The following PRLR variants were observed in gnomAD, a reference collection of about 807,000 sequenced individuals.
PRLR encodes prolactin receptor.
A neutral mutation model predicts 40.2 loss-of-function variants in PRLR; 13 were observed. The ratio of observed to expected loss-of-function variants is 0.32; its 90% CI spans 0.21 to 0.51. The LOEUF (loss-of-function observed/expected upper bound fraction) is 0.51. Ranked by LOEUF, PRLR falls within the 20% of genes least tolerant of loss-of-function variation. The probability of loss-of-function intolerance (pLI) is 0.97; values close to 1 mark genes in which losing one functional copy is unlikely to be tolerated. For missense variants in PRLR, 656 were observed against 747.3 expected (o/e 0.88, Z 1.42); for synonymous variants, 269 against 278.7 (o/e 0.97, Z 0.35).
intron 1 of PRLR, among the ~76,000 whole-genome samples, chr5:35,222,089 G>T (rs1402352087): frequency 6.6e-6 from 1 of 152,202 alleles, no homozygotes; most frequent in Non-Finnish European, 1.5e-5. Flanking sequence ...CAGATCAGGA[G>T]GTCAAGAGAT....
chr5:35,224,741 G>A (rs1042911669), intron 1 of PRLR, among the ~76,000 whole-genome samples: 1 of 152,138 alleles, frequency 6.6e-6, no homozygotes, highest in Non-Finnish European at 1.5e-5. Flanking sequence ...AAAAGGGAGA[G>A]AGAGGGTAAC....
rs76906070 is a variant in PRLR, at chr5:35,203,385, G to C, written c.-106+26883C>G. Among the ~76,000 whole-genome samples, 1,246 of 152,266 alleles carry C rather than the reference G, an allele frequency of 8.2e-3. 17 individuals are homozygous for C. The highest frequency in any genetic ancestry group is 0.029 in the African/African-American group (1,206 of 41,540). ...TGCTCAGCAGAACATTGTGTTGAGT[G>C]TGTAATTAGAAAGACCAACTGGATG... On this transcript the variant is annotated intron_variant, in intron 1 of 9. Coordinates refer to ENST00000618457, the MANE Select transcript of PRLR (RefSeq NM_000949.7).
intron 5 of PRLR, among the ~76,000 whole-genome samples, chr5:35,079,513 C>G (rs911198185): frequency 6.6e-6 from 1 of 152,034 alleles, no homozygotes. Flanking sequence ...ATGTGAAGGA[C>G]CTCTTCAAGG....
At chr5:35,171,605 C>T (rs1774998790) in intron 1 of PRLR, among the ~76,000 whole-genome samples, 1 of 152,012 alleles carries the variant, frequency 6.6e-6, no homozygotes, top group Non-Finnish European at 1.5e-5. Flanking sequence ...GTCCAGGACA[C>T]TATGGGGAGG....
chr5:35,189,917 G>A (rs749527037), intron 1 of PRLR, among the ~76,000 whole-genome samples: 5 of 152,170 alleles, frequency 3.3e-5, no homozygotes, highest in African/African-American at 4.8e-5. Flanking sequence ...CAGCTTTGGG[G>A]CAGCAGGATC....
chr5:35,131,222 G>T (rs150776243), intron 1 of PRLR, among the ~76,000 whole-genome samples: 19 of 152,284 alleles, frequency 1.2e-4, no homozygotes, highest in East Asian at 1.2e-3. Flanking sequence ...AGTGAAAAAA[G>T]TTGGATGGTA....
intron 7 of PRLR, among the ~76,000 whole-genome samples, chr5:35,069,920 T>C (rs1023962623): frequency 6.6e-6 from 1 of 152,244 alleles, no homozygotes; most frequent in Non-Finnish European, 1.5e-5. Context: ...TGTAGCCTTA[T>C]CCTAAAATTG....
At chr5:35,156,355 C>A (rs936944032) in intron 1 of PRLR, among the ~76,000 whole-genome samples, 1 of 152,096 alleles carries the variant, frequency 6.6e-6, no homozygotes, top group Non-Finnish European at 1.5e-5. Context: ...GGTCTCTCCA[C>A]CTCTCTCCTT....
chr5:35,179,453 C>T (rs908890195), intron 1 of PRLR, among the ~76,000 whole-genome samples: 9 of 152,242 alleles, frequency 5.9e-5, no homozygotes, highest in South Asian at 2.1e-4. Flanking sequence ...GTAATAGATG[C>T]GACATGGGCC....
In PRLR at chr5:35,089,611, T is replaced by G; in HGVS notation, c.10A>C (p.Asn4His). The G allele has an allele frequency of 6.2e-7, 1 of 1,614,070 alleles. No individual in the cohort carries two copies. The highest frequency in any genetic ancestry group is 1.3e-5 in the African/African-American group (1 of 75,050). ...GTGAAAACGGTTGCAGATGCCACATTTTCCTTCATGTTGGCTGCCTTCTCT... is the reference window on the plus strand; with the variant it reads ...GTGAAAACGGTTGCAGATGCCACATGTTCCTTCATGTTGGCTGCCTTCTCT... MKE[N>H]VASATVFTLL... The change falls in exon 3 of 10, where the codon AAT (asparagine) becomes CAT (histidine). Residue 4 changes from asparagine (N) to histidine (H), a missense_variant. Asn to His is a moderately conservative substitution (Grantham distance 68). Around this residue, in one of 3 missense-constraint regions of PRLR, gnomAD observed 180 missense variants for 236.8 expected, o/e 0.76. Transcript: ENST00000618457.
At chr5:35,204,140 T>A (rs10447129) in intron 1 of PRLR, among the ~76,000 whole-genome samples, 14,527 of 151,748 alleles carry the variant, frequency 0.096, 908 homozygotes, top group Non-Finnish European at 0.13. Flanking sequence ...TGTGTGAAAC[T>A]TTTCTCTCAA....
chr5:35,145,516 A>T (rs1411531918), intron 1 of PRLR, among the ~76,000 whole-genome samples: 1 of 152,186 alleles, frequency 6.6e-6, no homozygotes, highest in Admixed American at 6.5e-5. Context: ...TTGTTGTGGT[A>T]TGCCATACAT....
intron 1 of PRLR, among the ~76,000 whole-genome samples, chr5:35,147,249 T>C (rs1774207750): frequency 6.6e-6 from 1 of 152,216 alleles, no homozygotes. Context: ...GAAATCTCCC[T>C]GAGATTTGCT....
chr5:35,206,776 T>A (rs1189371009), intron 1 of PRLR, among the ~76,000 whole-genome samples: 1 of 151,830 alleles, frequency 6.6e-6, no homozygotes, highest in Non-Finnish European at 1.5e-5. Context: ...CAAATCATAG[T>A]CCATATGGCA....
chr5:35,086,555 TTGC>T (rs1178612847), intron 3 of PRLR, among the ~76,000 whole-genome samples: 3 of 148,164 alleles, frequency 2.0e-5, no homozygotes, highest in African/African-American at 7.9e-5. Flanking sequence ...AGAGAGCATT[TTGC>T]TGGTGTGTGT....
Position 35,064,923 on chromosome 5 carries a change from TG to T in PRLR, c.*165del. ...AGTTAGGAAACATAATGATTTGTTC[TG>T]GAATCAGCTGCTGGAGAAAGAGGCA... is the stretch of plus-strand genomic sequence containing the variant. On this transcript the variant is annotated 3_prime_UTR_variant, in exon 10 of 10. Transcript: ENST00000618457. 2 of 703,978 alleles carry T rather than the reference TG, an allele frequency of 2.8e-6. No individual in the cohort carries two copies. 43.6% of individuals were successfully genotyped at this position (703,978 alleles called of 1,614,324 possible). A position where few individuals can be genotyped will look rare whatever the true frequency, so the allele number is the denominator to read the frequency against.
chr5:35,142,146 G>A (rs1382752498), intron 1 of PRLR, among the ~76,000 whole-genome samples: 1 of 152,208 alleles, frequency 6.6e-6, no homozygotes, highest in East Asian at 1.9e-4. Flanking sequence ...AAGTGAATAG[G>A]TTGGCCAAAC....
At chr5:35,227,190 A>G (rs1776575055) in intron 1 of PRLR, among the ~76,000 whole-genome samples, 1 of 152,232 alleles carries the variant, frequency 6.6e-6, no homozygotes. Flanking sequence ...ATGTATCACA[A>G]GCCAAGCACA....
At chr5:35,055,523 A>AATG (rs1165278002), downstream of PRLR, among the ~76,000 whole-genome samples, 1 of 152,130 alleles carries the variant, frequency 6.6e-6, no homozygotes, top group African/African-American at 2.4e-5. Context: ...TCCTAAGATA[A>AATG]ATGTTTTCGC....
Sources: gnomAD v4.1 joint callset for allele counts (sites outside exome capture counted in the v4.1 genomes callset) on GRCh38, gnomAD v4.1.1 for gene constraint, gnomAD v4.1.1 regional missense constraint, MANE v1.5 for transcripts, NCBI Gene and HGNC (gene_info 2026-07-23, HGNC 2026-07-21) for gene names.